The following PTCHD4 variants were observed in gnomAD, a reference collection of about 807,000 sequenced individuals.
PTCHD4 encodes patched domain containing 4.
In PTCHD4, 33 loss-of-function variants were observed where a neutral mutation model predicts 58.1. That is an observed-to-expected ratio of 0.57 (90% CI 0.43 to 0.76). The LOEUF (loss-of-function observed/expected upper bound fraction) is 0.76. Ranked by LOEUF, PTCHD4 falls within the 30% of genes least tolerant of loss-of-function variation. The probability of loss-of-function intolerance (pLI) is 0.00; values close to 1 mark genes in which losing one functional copy is unlikely to be tolerated. For missense variants in PTCHD4, 1,058 were observed against 1,027.1 expected (o/e 1.03, Z -0.41); for synonymous variants, 478 against 409.6 (o/e 1.17, Z -2.02).
At chr6:47,882,659 A>G (rs1254927810) in intron 4 of PTCHD4, among the ~76,000 whole-genome samples, 1 of 148,268 alleles carries the variant, frequency 6.7e-6, no homozygotes, top group Non-Finnish European at 1.5e-5. Context: ...AATTCTGGTC[A>G]TATTAAAATT....
intron 1 of PTCHD4, among the ~76,000 whole-genome samples, chr6:48,071,278 TAATTG>T (rs1764970307): frequency 6.6e-6 from 1 of 152,222 alleles, no homozygotes; most frequent in South Asian, 2.1e-4. Flanking sequence ...TACCAATGTA[TAATTG>T]ACTAAATAAT....
chr6:48,068,229 C>T lies in PTCHD4; in HGVS notation c.417+1G>A. ...GTATAATTATAGCCCTTGTGGTTCA[C>T]CTTCATTTCCAGCACGGCTCGGTGG... On this transcript the variant is annotated splice_donor_variant, in intron 3 of 4. Transcript: ENST00000339488. LOFTEE classifies it high-confidence loss of function. The surrounding 1 kb of genome is among the most constrained non-coding windows in gnomAD (Gnocchi z 4.2). 6.4e-7 allele frequency: 1 copy of T among 1,560,206 alleles called. No homozygotes were observed. The highest frequency in any genetic ancestry group is 8.7e-7 in the Non-Finnish European group (1 of 1,152,044).
intron 4 of PTCHD4, among the ~76,000 whole-genome samples, chr6:47,906,548 ATCT>A (rs1764893887): frequency 6.6e-6 from 1 of 152,076 alleles, no homozygotes; most frequent in Non-Finnish European, 1.5e-5. Flanking sequence ...TGGAACCTAG[ATCT>A]TCTCATTTTC....
chr6:48,048,439 CA>C (rs1282022859), intron 3 of PTCHD4, among the ~76,000 whole-genome samples: 8 of 151,902 alleles, frequency 5.3e-5, no homozygotes, highest in African/African-American at 1.9e-4. Context: ...AGACATATAA[CA>C]GGCTGATTTT....
intron 4 of PTCHD4, among the ~76,000 whole-genome samples, chr6:47,890,465 C>A (rs1040069444): frequency 1.3e-5 from 2 of 152,246 alleles, no homozygotes; most frequent in East Asian, 3.9e-4. Context: ...TAAGCCTCCA[C>A]GTATCTGTTT....
At chr6:47,998,501 T>C (rs543541118) in intron 4 of PTCHD4, among the ~76,000 whole-genome samples, 2 of 152,350 alleles carry the variant, frequency 1.3e-5, no homozygotes, top group East Asian at 1.9e-4. Context: ...AAAATTGTTA[T>C]GTAACAGTAC....
chr6:47,938,290 T>A (rs1766085268), intron 4 of PTCHD4, among the ~76,000 whole-genome samples: 1 of 152,208 alleles, frequency 6.6e-6, no homozygotes, highest in Non-Finnish European at 1.5e-5. Context: ...GAACTGGACA[T>A]GAATTGTCTA....
At chr6:47,980,893 A>G (rs1767861478) in intron 4 of PTCHD4, among the ~76,000 whole-genome samples, 1 of 151,930 alleles carries the variant, frequency 6.6e-6, no homozygotes, top group South Asian at 2.1e-4. Context: ...ATTCTGTTTT[A>G]TATCTGTAAT....
At chr6:47,920,158 T>A (rs1350342604) in intron 4 of PTCHD4, among the ~76,000 whole-genome samples, 1 of 152,138 alleles carries the variant, frequency 6.6e-6, no homozygotes. Context: ...GCTAGTGTGG[T>A]AACTGAACAA....
At chr6:48,058,083 A>G (rs2113864258) in intron 3 of PTCHD4, among the ~76,000 whole-genome samples, 1 of 152,362 alleles carries the variant, frequency 6.6e-6, no homozygotes, top group Non-Finnish European at 1.5e-5. Context: ...TTTAAAAGTC[A>G]CAGTGCCTGG....
chr6:48,033,804 C>G (rs1340123675), intron 3 of PTCHD4, among the ~76,000 whole-genome samples: 3 of 151,986 alleles, frequency 2.0e-5, no homozygotes, highest in African/African-American at 7.2e-5. Context: ...AACATCTTTT[C>G]CATTGATTTC....
Position 48,068,640 on chromosome 6 carries a change from G to A in PTCHD4, c.7C>T (p.Arg3Trp). The change falls in exon 3 of 5, where the codon CGG (arginine) becomes TGG (tryptophan). Residue 3 changes from arginine to tryptophan, a missense_variant and splice_region_variant. Physicochemically the swap from Arg to Trp is moderately radical, Grantham distance 101. Coordinates refer to ENST00000339488, the MANE Select transcript of PTCHD4 (RefSeq NM_001384253.1). This position sits in a 1 kb window ranked among gnomAD's most constrained non-coding sequence, Gnocchi z 4.2. The stretch of plus-strand genomic sequence containing the variant: ...ATCCAGCTCGCAGGCGCTCCCGGCC[G>A]TCTTAAAAAGCACATGTGACATGTG... Reference protein sequence around the residue: MRRPGAPASWIWW... With the variant: MRWPGAPASWIWW... 1.3e-6 allele frequency: 2 copies of A among 1,545,280 alleles called. No homozygotes were observed. The highest frequency in any genetic ancestry group is 1.2e-5 in the South Asian group (1 of 84,706).
chr6:48,011,036 C>T (rs1056104131), intron 3 of PTCHD4, among the ~76,000 whole-genome samples: 1 of 152,190 alleles, frequency 6.6e-6, no homozygotes, highest in Non-Finnish European at 1.5e-5. Context: ...CTGCAATAAA[C>T]GTACGTGTGC....
At chr6:47,947,807 G>A (rs111362272) in intron 4 of PTCHD4, among the ~76,000 whole-genome samples, 211 of 152,114 alleles carry the variant, frequency 1.4e-3, no homozygotes, top group African/African-American at 4.8e-3. Flanking sequence ...CTGAGAAATT[G>A]AGGCATTTAT....
chr6:48,050,248 A>G (rs1764182904), intron 3 of PTCHD4, among the ~76,000 whole-genome samples: 1 of 152,044 alleles, frequency 6.6e-6, no homozygotes, highest in Admixed American at 6.6e-5. Flanking sequence ...ACATAAATTG[A>G]ACTTAATAAA....
At position 47,869,812 on chromosome 6, in the gene PTCHD4, A is replaced by G. The variant is rs1281712907; in HGVS notation, c.*8491T>C. Among the ~76,000 whole-genome samples, 1 of 151,692 alleles carries G rather than the reference A, an allele frequency of 6.6e-6. No individual in the cohort carries two copies. The highest frequency in any genetic ancestry group is 2.4e-5 in the African/African-American group (1 of 41,396). On this transcript the variant is annotated 3_prime_UTR_variant, in exon 5 of 5. Transcript: ENST00000339488. ...TTATGTTATTTTACATTGTGATGTT[A>G]TAAGATGTTTTGTTTAGGAAGTTTA...
intron 4 of PTCHD4, among the ~76,000 whole-genome samples, chr6:47,908,332 T>G (rs1764965187): frequency 6.6e-6 from 1 of 152,178 alleles, no homozygotes; most frequent in Admixed American, 6.5e-5. Context: ...ATTCTCAGTC[T>G]GCCCCTCACC....
At chr6:48,029,129 C>T (rs1009375749) in intron 3 of PTCHD4, among the ~76,000 whole-genome samples, 3 of 152,018 alleles carry the variant, frequency 2.0e-5, no homozygotes, top group African/African-American at 7.2e-5. Flanking sequence ...CTGTTTTAAA[C>T]ATTACATGCC....
At chr6:47,976,114 G>T (rs1199102931) in intron 4 of PTCHD4, among the ~76,000 whole-genome samples, 1 of 152,126 alleles carries the variant, frequency 6.6e-6, no homozygotes, top group Non-Finnish European at 1.5e-5. Context: ...TCAGCTTGTT[G>T]CTGGAGCCCC....
Sources: allele counts gnomAD v4.1 joint callset (sites outside exome capture counted in the v4.1 genomes callset), GRCh38; gene constraint gnomAD v4.1.1; non-coding constraint Gnocchi (gnomAD v3.1); transcripts MANE v1.5; gene names NCBI Gene and HGNC (gene_info 2026-07-23, HGNC 2026-07-21).